Variants in PLD1 observed in about 807,000 individuals in gnomAD.
PLD1 encodes phospholipase D1, also known as choline phosphatase 1.
Under a neutral mutation model 137.1 loss-of-function variants are expected in PLD1, and 112 were observed. The observed-to-expected ratio is 0.82, with a 90% CI of 0.70 to 0.96. PLD1 has a LOEUF of 0.96. Among genes scored for constraint, PLD1 ranks in the 40% least tolerant of loss-of-function variants. The pLI, the probability that PLD1 is intolerant of heterozygous loss-of-function variation, is 0.00. For missense variants in PLD1, 1,321 were observed against 1,342.0 expected, an observed-to-expected ratio of 0.98 and a Z score of 0.24; for synonymous variants, 431 against 454.7, an observed-to-expected ratio of 0.95 and a Z score of 0.66.
chr3:171,775,688 C>T (rs1456453763), intron 1 of PLD1, among the ~76,000 whole-genome samples: 1 of 151,964 alleles, frequency 6.6e-6, no homozygotes, highest in Non-Finnish European at 1.5e-5. Context: ...ACTAAAAATA[C>T]AAAAATTAGC....
intron 3 of PLD1, among the ~76,000 whole-genome samples, chr3:171,735,949 G>A (rs1372009831): frequency 6.6e-6 from 1 of 152,172 alleles, no homozygotes; most frequent in African/African-American, 2.4e-5. Flanking sequence ...ACTAGGTGGA[G>A]GAGACAATGA....
intron 6 of PLD1, among the ~76,000 whole-genome samples, chr3:171,727,006 A>T (rs1444737212): frequency 6.6e-6 from 1 of 152,236 alleles, no homozygotes; most frequent in African/African-American, 2.4e-5. Context: ...AGACGCATAC[A>T]TAAACGAATA....
At position 171,808,815 on chromosome 3, in the gene PLD1, A is replaced by ATTTTTTTTTTTTTTTTTT. The variant is rs60146546; in HGVS notation, c.-32+1566_-32+1583dup. Among the ~76,000 whole-genome samples the ATTTTTTTTTTTTTTTTTT allele has an allele frequency of 2.1e-3, 184 of 86,234 alleles. 12 individuals carry two copies. Among genetic ancestry groups the ATTTTTTTTTTTTTTTTTT allele is most frequent in the South Asian group, 3.2e-3 (6 of 1,888 alleles). The allele number at this position is 86,234 out of a possible 152,430, so 56.6% of individuals were successfully genotyped here. Reference sequence around the variant, plus strand: ...TTTTTCCTCAAAGCCTTAGCATTCAATTTTTTTTTTTTTTTTTTTTTTTTT... The same window carrying ATTTTTTTTTTTTTTTTTT: ...TTTTTCCTCAAAGCCTTAGCATTCAATTTTTTTTTTTTTTTTTTTTTTTTTTTTTTTTTTTTTTTTTTT... On this transcript the variant is annotated intron_variant, in intron 1 of 26. Transcript: ENST00000351298.
At position 171,734,849 on chromosome 3, in the gene PLD1, T is replaced by C; in HGVS notation, c.540+16A>G. ...CAAAATTAGGTTTAAAACCACAGAA[T>C]AGTGAAGAAACTTACTCTTCTACCA... On this transcript the variant is annotated intron_variant, in intron 5 of 26. Transcript: ENST00000351298. The C allele has an allele frequency of 6.7e-7, 1 of 1,492,314 alleles. No individual in the cohort carries two copies. The highest frequency in any genetic ancestry group is 1.4e-5 in the African/African-American group (1 of 72,726). The allele number at this position is 1,492,314 out of a possible 1,614,324, so 92.4% of individuals were successfully genotyped here.
At chr3:171,757,695 A>G (rs1391040669) in intron 1 of PLD1, among the ~76,000 whole-genome samples, 1 of 152,256 alleles carries the variant, frequency 6.6e-6, no homozygotes, top group Non-Finnish European at 1.5e-5. Flanking sequence ...ATTCAGTTCT[A>G]GTTACCCAAG....
intron 1 of PLD1, among the ~76,000 whole-genome samples, chr3:171,805,527 T>C (rs1184322878): frequency 2.0e-5 from 3 of 152,020 alleles, no homozygotes. Context: ...TGGCCCAATC[T>C]CCTCACAATC....
At chr3:171,666,067 A>T (rs573241503) in intron 19 of PLD1, among the ~76,000 whole-genome samples, 208 of 152,358 alleles carry the variant, frequency 1.4e-3, no homozygotes, top group African/African-American at 4.5e-3. Context: ...TGCCTAGACC[A>T]TTGAACTACA....
Position 171,706,991 on chromosome 3 carries a change from A to G in PLD1, c.1145+1764T>C, listed in dbSNP as rs1447852192. 2.0e-5 allele frequency among the ~76,000 whole-genome samples: 3 copies of G among 152,254 alleles called. No individual in the cohort carries two copies. In the East Asian group the frequency reaches 5.8e-4, roughly 29 times the overall value. ...CCACAGAATACTATGCAGCCATAAA[A>G]AAGAATGAGATCATGTCCTTTGCAG... On this transcript the variant is annotated intron_variant, in intron 11 of 26. Transcript: ENST00000351298.
At chr3:171,703,499 A>T (rs1051890681) in intron 11 of PLD1, among the ~76,000 whole-genome samples, 1 of 152,252 alleles carries the variant, frequency 6.6e-6, no homozygotes, top group African/African-American at 2.4e-5. Flanking sequence ...ACAAGCTATA[A>T]GGTAAATACA....
intron 21 of PLD1, among the ~76,000 whole-genome samples, chr3:171,656,930 A>G (rs1737253919): frequency 6.6e-6 from 1 of 152,208 alleles, no homozygotes. Flanking sequence ...TGGCTGGTCA[A>G]TAGGGGAAGG....
intron 11 of PLD1, among the ~76,000 whole-genome samples, chr3:171,708,173 G>A (rs1716845939): frequency 6.6e-6 from 1 of 152,170 alleles, no homozygotes; most frequent in Admixed American, 6.5e-5. Context: ...CCAACTACAG[G>A]AGTAAATTTC....
At chr3:171,735,060 AAG>A in intron 4 of PLD1, 90 bp from the exon 5 acceptor site, 1 of 731,808 alleles carries the variant, frequency 1.4e-6, no homozygotes, top group Non-Finnish European at 2.4e-6. Context: ...GCATATTTTT[AAG>A]AGACTATTTA....
intron 11 of PLD1, among the ~76,000 whole-genome samples, chr3:171,701,310 G>A (rs975619788): frequency 1.3e-5 from 2 of 152,132 alleles, no homozygotes; most frequent in African/African-American, 4.8e-5. Context: ...CACAGCAATT[G>A]ATCAGAAAAG....
At chr3:171,640,505 C>G (rs1026522957) in intron 23 of PLD1, among the ~76,000 whole-genome samples, 1 of 152,146 alleles carries the variant, frequency 6.6e-6, no homozygotes, top group African/African-American at 2.4e-5. Context: ...TAATTTCATT[C>G]CATTGTGGTC....
intron 12 of PLD1, among the ~76,000 whole-genome samples, chr3:171,695,128 G>A (rs931605449): frequency 2.6e-5 from 4 of 152,210 alleles, no homozygotes; most frequent in East Asian, 1.9e-4. Flanking sequence ...GGGCAAAGGC[G>A]AATGAATCAT....
chr3:171,698,725 A>T (rs2108538943), intron 12 of PLD1, among the ~76,000 whole-genome samples: 1 of 150,840 alleles, frequency 6.6e-6, no homozygotes, highest in East Asian at 2.0e-4. Context: ...TGGGAAGCCG[A>T]GGTGGGCAGA....
At chr3:171,707,000 G>A (rs1716744698) in intron 11 of PLD1, among the ~76,000 whole-genome samples, 1 of 152,188 alleles carries the variant, frequency 6.6e-6, no homozygotes. Context: ...AAAAGAATGA[G>A]ATCATGTCCT....
chr3:171,688,415 T>C (rs1333461622), intron 14 of PLD1, among the ~76,000 whole-genome samples: 3 of 152,214 alleles, frequency 2.0e-5, no homozygotes, highest in East Asian at 3.8e-4. Flanking sequence ...CAAAGCTGAA[T>C]ATGGGACAGC....
intron 13 of PLD1, among the ~76,000 whole-genome samples, chr3:171,691,171 C>A (rs1715112809): frequency 6.6e-6 from 1 of 152,100 alleles, no homozygotes; most frequent in African/African-American, 2.4e-5. Context: ...CCCTTTCCAT[C>A]CTTTCATTTT....
Sources: gnomAD v4.1 joint callset for allele counts (sites outside exome capture counted in the v4.1 genomes callset) on GRCh38, gnomAD v4.1.1 for gene constraint, MANE v1.5 for transcripts, NCBI Gene and HGNC (gene_info 2026-07-23, HGNC 2026-07-21) for gene names.